Variants in CTNNA2 observed in about 807,000 individuals in gnomAD.
CTNNA2 encodes the protein catenin alpha 2.
CTNNA2 carries 42 observed loss-of-function variants against 101.0 expected under a neutral mutation model. The observed-to-expected ratio is 0.42, with a 90% CI of 0.32 to 0.54. The LOEUF is 0.54. CTNNA2 is among the 20% of genes least tolerant of loss of function. CTNNA2 has a pLI of 0.14. For missense variants in CTNNA2, 871 were observed against 1,223.1 expected (o/e 0.71, Z 4.29); for synonymous variants, 450 against 456.4 (o/e 0.99, Z 0.18).
intron 7 of CTNNA2, among the ~76,000 whole-genome samples, chr2:80,077,576 C>T (rs936077483): frequency 7.6e-5 from 11 of 144,782 alleles, no homozygotes; most frequent in African/African-American, 2.9e-4. Context: ...AAGTGAGACC[C>T]TGTCTCTATT....
At chr2:79,942,999 C>T (rs1688260727) in intron 7 of CTNNA2, among the ~76,000 whole-genome samples, 1 of 152,032 alleles carries the variant, frequency 6.6e-6, no homozygotes, top group African/African-American at 2.4e-5. Flanking sequence ...GGTGGATCAC[C>T]TGAGGTCAGA....
intron 4 of CTNNA2, among the ~76,000 whole-genome samples, chr2:79,381,325 C>T (rs545301972): frequency 2.0e-5 from 3 of 152,226 alleles, no homozygotes; most frequent in Non-Finnish European, 4.4e-5. Flanking sequence ...GTCAAATCTC[C>T]TAGGTTTCAG....
rs147324501 is a variant in CTNNA2 at position 80,276,968 on chromosome 2, T to C, written c.1057-116243T>C. 1.4e-3 allele frequency among the ~76,000 whole-genome samples: 215 copies of C among 152,122 alleles called. 1 individual carries two copies. The highest frequency in any genetic ancestry group is 5.1e-3 in the African/African-American group (210 of 41,490). On this transcript the variant is annotated intron_variant, in intron 7 of 18. Coordinates refer to ENST00000402739, the MANE Select transcript of CTNNA2 (RefSeq NM_001282597.3). ...CAAGACTATTGCTACTTTAGACACCTCTCTAGAGGGGACAGTTGTAGGTCT... is the reference window on the plus strand; with the variant it reads ...CAAGACTATTGCTACTTTAGACACCCCTCTAGAGGGGACAGTTGTAGGTCT...
chr2:80,628,935 A>G (rs1173828340), intron 18 of CTNNA2, among the ~76,000 whole-genome samples: 3 of 152,152 alleles, frequency 2.0e-5, no homozygotes, highest in African/African-American at 7.2e-5. Context: ...GCTGACTTTC[A>G]GTAGCTGGCT....
At chr2:80,579,204 A>G (rs1459745539) in intron 13 of CTNNA2, 1 of 152,016 alleles carries the variant, frequency 6.6e-6, no homozygotes, top group African/African-American at 2.4e-5. Context: ...GTTTTTCTTT[A>G]TTTTGGTTCT....
upstream of CTNNA2, among the ~76,000 whole-genome samples, chr2:79,510,356 G>C (rs1054293052): frequency 6.6e-5 from 10 of 151,878 alleles, no homozygotes; most frequent in Non-Finnish European, 1.5e-4. Flanking sequence ...AAGAAATAAG[G>C]GTTTTAAAAA....
intron 7 of CTNNA2, among the ~76,000 whole-genome samples, chr2:80,191,524 C>T (rs1380248732): frequency 6.6e-6 from 1 of 152,118 alleles, no homozygotes; most frequent in Non-Finnish European, 1.5e-5. Flanking sequence ...CCTTTTTCTT[C>T]CCTTCTTCAC....
intron 9 of CTNNA2, among the ~76,000 whole-genome samples, chr2:80,476,252 A>G (rs1480939743): frequency 2.6e-5 from 4 of 152,060 alleles, no homozygotes; most frequent in African/African-American, 9.7e-5. Flanking sequence ...GCTCTCGGGG[A>G]CACTCTCTCA....
chr2:79,995,392 G>T (rs1046085671), intron 7 of CTNNA2, among the ~76,000 whole-genome samples: 2 of 152,152 alleles, frequency 1.3e-5, no homozygotes, highest in Admixed American at 1.3e-4. Flanking sequence ...TGAGGAAGCA[G>T]CCTACCTTCT....
intron 7 of CTNNA2, among the ~76,000 whole-genome samples, chr2:80,045,635 A>G: frequency 6.6e-6 from 1 of 152,140 alleles, no homozygotes; most frequent in East Asian, 1.9e-4. Flanking sequence ...TGAGTCTCCT[A>G]TTATTTTCTT....
chr2:80,354,821 T>G (rs908502443), intron 7 of CTNNA2, among the ~76,000 whole-genome samples: 1 of 152,108 alleles, frequency 6.6e-6, no homozygotes, highest in African/African-American at 2.4e-5. Context: ...ACTCTGGCAG[T>G]GAGGGTCTAG....
intron 7 of CTNNA2, among the ~76,000 whole-genome samples, chr2:80,326,143 A>G (rs752207687): frequency 6.6e-6 from 1 of 152,188 alleles, no homozygotes; most frequent in Admixed American, 6.5e-5. Flanking sequence ...TGGCATTTGA[A>G]AGGGAATAAA....
At chr2:80,195,903 G>T (rs539679090) in intron 7 of CTNNA2, among the ~76,000 whole-genome samples, 1 of 152,076 alleles carries the variant, frequency 6.6e-6, no homozygotes, top group African/African-American at 2.4e-5. Context: ...ATTGGGAACC[G>T]CAGGTCACAA....
In CTNNA2 at chr2:79,724,911, C is replaced by G. The variant is rs946577399; in HGVS notation, c.103-19476C>G. Among the ~76,000 whole-genome samples, 5 of 151,674 alleles carry G rather than the reference C, an allele frequency of 3.3e-5. No individual in the cohort carries two copies. The South Asian group carries it at 6.3e-4, about 19-fold the overall frequency. The stretch of plus-strand genomic sequence containing the variant: ...GCAGCACATCAGCACGTCTACTCTG[C>G]GGTACTCCCTGGTCTTTACCCTGCT... On this transcript the variant is annotated intron_variant, in intron 2 of 18. Coordinates refer to ENST00000402739, the MANE Select transcript of CTNNA2 (RefSeq NM_001282597.3).
chr2:80,083,132 T>C (rs902335161), intron 7 of CTNNA2, among the ~76,000 whole-genome samples: 1 of 152,138 alleles, frequency 6.6e-6, no homozygotes, highest in African/African-American at 2.4e-5. Flanking sequence ...ATGGTTTGCC[T>C]TGATTCTCTG....
chr2:79,698,652 A>C (rs1285346559), intron 2 of CTNNA2, among the ~76,000 whole-genome samples: 3 of 152,094 alleles, frequency 2.0e-5, no homozygotes, highest in African/African-American at 2.4e-5. Flanking sequence ...TAGTTCACTC[A>C]GCACATAGTT....
intron 2 of CTNNA2, among the ~76,000 whole-genome samples, chr2:79,308,927 A>G (rs1355087691): frequency 1.3e-5 from 2 of 151,970 alleles, no homozygotes; most frequent in African/African-American, 4.8e-5. Context: ...ACTCTTTCAG[A>G]TACAATCTAA....
At position 80,555,790 on chromosome 2, in the gene CTNNA2, G is replaced by A. The variant is rs1037935554; in HGVS notation, c.1638G>A (p.Arg546=). 2 of 1,600,732 alleles carry A rather than the reference G, an allele frequency of 1.2e-6. No homozygotes were observed. Among genetic ancestry groups the A allele is most frequent in the South Asian group, 1.1e-5 (1 of 87,266 alleles). Residue 546 remains arginine (R), a synonymous_variant, in exon 12 of 19, where the codon CGG becomes CGA. Coordinates refer to ENST00000402739, the MANE Select transcript of CTNNA2 (RefSeq NM_001282597.3). The part of the protein sequence containing the change: ...LDRTAGAIRG[R]AARVIHIINA... ...GGACTGCAGGGGCCATCAGGGGCCG[G>A]GCAGCTCGAGTCATACACATCATCA...
intron 7 of CTNNA2, among the ~76,000 whole-genome samples, chr2:80,385,189 A>G (rs113636949): frequency 5.8e-4 from 89 of 152,220 alleles, no homozygotes; most frequent in African/African-American, 2.1e-3. Flanking sequence ...GAAACCTCCA[A>G]TGTGATGGTA....
Sources: allele counts gnomAD v4.1 joint callset (sites outside exome capture counted in the v4.1 genomes callset), GRCh38; gene constraint gnomAD v4.1.1; transcripts MANE v1.5; gene names NCBI Gene and HGNC (gene_info 2026-07-23, HGNC 2026-07-21).